Variants in CPT2 observed in about 807,000 individuals in gnomAD.
CPT2 encodes the protein carnitine O-palmitoyltransferase 2, mitochondrial.
Under a neutral mutation model 48.6 loss-of-function variants are expected in CPT2, and 37 were observed. That is an observed-to-expected ratio of 0.76 (90% confidence interval 0.59 to 1.00). The LOEUF (loss-of-function observed/expected upper bound fraction) is 1.00. CPT2 is among the 50% of genes least tolerant of loss of function. CPT2 has a pLI of 0.00. For synonymous variants in CPT2, 319 were observed against 326.9 expected (o/e 0.98, Z 0.26); for missense variants, 772 against 825.6 (o/e 0.94, Z 0.80).
At chr1:53,212,253 C>T (rs570386040) in intron 4 of CPT2, among the ~76,000 whole-genome samples, 27 of 151,994 alleles carry the variant, frequency 1.8e-4, no homozygotes, top group Admixed American at 2.6e-4. Flanking sequence ...TCAATAGAGA[C>T]GGGGTTTCAC....
rs1557719455 is a variant in CPT2, at chr1:53,213,283, CTT to C, written c.1666_1667del (p.Leu556ValfsTer16). ...AAMGQGFDRH[L>X]FALRHLAAAK... ...TCACAGGCCAGGGCTTTGACCGACA[CTT>C]GTTTGCTCTGCGGCATCTGGCAGCA... On this transcript the variant is annotated frameshift_variant, in exon 5 of 5. Coordinates refer to ENST00000371486, the MANE Select transcript of CPT2 (RefSeq NM_000098.3). LOFTEE classifies it high-confidence loss of function. 30 of 1,614,092 alleles carry C rather than the reference CTT, an allele frequency of 1.9e-5. No individual in the cohort carries two copies. The highest frequency in any genetic ancestry group is 2.5e-5 in the Non-Finnish European group (29 of 1,180,046).
In CPT2 at chr1:53,211,060, CCCTGACGCAGTTGCCCAGCTGG is replaced by C; in HGVS notation, c.1388_1409del (p.Pro463HisfsTer62). Reference sequence around the variant, plus strand: ...AATTCCTGAAGAAGCAAAAGCTGAGCCCTGACGCAGTTGCCCAGCTGGCATTCCAGATGGCCTTCCTGCGGCA... The same window carrying C: ...AATTCCTGAAGAAGCAAAAGCTGAGCCATTCCAGATGGCCTTCCTGCGGCA... On this transcript the variant is annotated frameshift_variant, in exon 4 of 5. Coordinates refer to ENST00000371486, the MANE Select transcript of CPT2 (RefSeq NM_000098.3). LOFTEE classifies it high-confidence loss of function. The C allele has an allele frequency of 1.2e-6, 2 of 1,614,220 alleles. No individual in the cohort carries two copies. Among genetic ancestry groups the C allele is most frequent in the Non-Finnish European group, 1.7e-6 (2 of 1,180,038 alleles).
At chr1:53,213,120 C>A in intron 4 of CPT2, 144 bp from the exon 5 acceptor site, 1 of 725,482 alleles carries the variant, frequency 1.4e-6, no homozygotes, top group South Asian at 1.5e-5. Flanking sequence ...GAAGGTTAGT[C>A]AGTTGGTGGT....
At position 53,210,367 on chromosome 1, in the gene CPT2, G is replaced by A. The variant is rs530706050; in HGVS notation, c.693G>A (p.Arg231=). Residue 231 remains arginine (R), a synonymous_variant, in exon 4 of 5, where the codon CGG becomes CGA. Coordinates refer to ENST00000371486, the MANE Select transcript of CPT2 (RefSeq NM_000098.3). ...CAACTCGTTTACCCAAACCCAGTCG[G>A]GATGAACTCTTCACTGATGACAAGG... ...FNSTRLPKPS[R]DELFTDDKAR... The A allele has an allele frequency of 5.6e-6, 9 of 1,614,072 alleles. No homozygotes were observed. Among genetic ancestry groups the A allele is most frequent in the South Asian group, 3.3e-5 (3 of 91,080 alleles).
rs571937020 is a variant in CPT2 at position 53,212,805 on chromosome 1, G to A, written c.1646-459G>A. ...GGGAGAAAACCAAGCCACTGGCCCC[G>A]TTACACAGCAAGTTAGTAGTAAGAC... On this transcript the variant is annotated intron_variant, in intron 4 of 4. Transcript: ENST00000371486. 1.5e-4 allele frequency: 64 copies of A among 420,092 alleles called. 1 individual carries two copies. The South Asian group carries it at 2.9e-3, about 19-fold the overall frequency. The allele number at this position is 420,092 out of a possible 1,614,324, so 26.0% of individuals were successfully genotyped here.
At position 53,200,790 on chromosome 1, in the gene CPT2, G is replaced by T; in HGVS notation, c.224G>T (p.Gly75Val). 6.2e-7 allele frequency: 1 copy of T among 1,613,158 alleles called. No homozygotes were observed. Among genetic ancestry groups the T allele is most frequent in the Non-Finnish European group, 8.5e-7 (1 of 1,179,136 alleles). The change falls in exon 2 of 5, where the codon GGC becomes GTC. Residue 75 changes from glycine to valine, a missense_variant. Physicochemically the swap from Gly to Val is moderately radical, Grantham distance 109. Coordinates refer to ENST00000371486, the MANE Select transcript of CPT2 (RefSeq NM_000098.3). ...LSAQKPLLND[G>V]QFRKTEQFCK... Reference sequence around the variant, plus strand: ...GCACAGAAGCCTCTCTTGAATGATGGCCAGTTCAGGTAAACACTGAGAACC... The same window carrying T: ...GCACAGAAGCCTCTCTTGAATGATGTCCAGTTCAGGTAAACACTGAGAACC...
intron 3 of CPT2, 70 bp downstream of exon 3, chr1:53,202,499 T>G: frequency 2.4e-6 from 3 of 1,265,938 alleles, no homozygotes; most frequent in Non-Finnish European, 3.5e-6. Context: ...GCATATTCTC[T>G]CCTGTTTTGG....
Position 53,210,571 on chromosome 1 carries a change from G to C in CPT2, c.897G>C (p.Trp299Cys), listed in dbSNP as rs1301349162. The C allele has an allele frequency of 1.2e-6, 2 of 1,614,068 alleles. No individual in the cohort carries two copies. The highest frequency in any genetic ancestry group is 3.3e-5 in the Admixed American group (2 of 60,010). The change falls in exon 4 of 5, where the codon TGG becomes TGC. Residue 299 changes from tryptophan (W) to cysteine (C), a missense_variant. Physicochemically the swap from Trp to Cys is radical, Grantham distance 215. Coordinates refer to ENST00000371486, the MANE Select transcript of CPT2 (RefSeq NM_000098.3). ...TGACCAGTGAGAACCGAGACATCTG[G>C]GCAGAGCTCAGGCAGAAGCTGATGA... ...AYLTSENRDI[W>C]AELRQKLMSS...
rs200596483 is a variant in CPT2, at chr1:53,211,326, C to G, written c.1645+7C>G. The G allele has an allele frequency of 1.3e-6, 2 of 1,593,330 alleles. No homozygotes were observed. Among genetic ancestry groups the G allele is most frequent in the African/African-American group, 2.7e-5 (2 of 74,380 alleles). On this transcript the variant is annotated splice_region_variant and intron_variant, in intron 4 of 4. Coordinates refer to ENST00000371486, the MANE Select transcript of CPT2 (RefSeq NM_000098.3). ...ACCAAAGAAGCAGCAATGGGTGAGG[C>G]AGGGGTGGGGAGCATGCCCTTGGGT...
intron 3 of CPT2, chr1:53,208,503 C>T (rs188774106): frequency 1.3e-5 from 2 of 152,334 alleles, no homozygotes; most frequent in East Asian, 3.9e-4. Flanking sequence ...TCTATAGGAA[C>T]TCAGAGGGCT....
chr1:53,211,450 TTTTC>T (rs1645427729), intron 4 of CPT2, 131 bp downstream of exon 4: 5 of 963,032 alleles, frequency 5.2e-6, no homozygotes, highest in Non-Finnish European at 6.2e-6. Flanking sequence ...CTCCCCAAAT[TTTTC>T]TTTTCTACCC....
chr1:53,197,852 C>G (rs1557712489), intron 1 of CPT2, among the ~76,000 whole-genome samples: 2 of 152,080 alleles, frequency 1.3e-5, no homozygotes, highest in African/African-American at 4.8e-5. Flanking sequence ...TAGACACCAC[C>G]CTCAGTACCC....
At chr1:53,205,780 G>A (rs1247334079) in intron 3 of CPT2, among the ~76,000 whole-genome samples, 1 of 152,220 alleles carries the variant, frequency 6.6e-6, no homozygotes, top group Non-Finnish European at 1.5e-5. Context: ...GCTAAAAGGG[G>A]CCAAGGCACA....
At chr1:53,211,432 A>G in intron 4 of CPT2, 113 bp downstream of exon 4, 1 of 1,134,832 alleles carries the variant, frequency 8.8e-7, no homozygotes, top group Non-Finnish European at 1.3e-6. Flanking sequence ...GGTTTAATCC[A>G]TCGCCAACTC....
intron 3 of CPT2, chr1:53,207,433 C>T (rs1013512218): frequency 1.3e-5 from 2 of 152,156 alleles, no homozygotes; most frequent in South Asian, 4.1e-4. Context: ...TTTGAGATCT[C>T]AACTGTGATT....
intron 3 of CPT2, chr1:53,208,777 A>G (rs1645402883): frequency 6.6e-6 from 1 of 152,242 alleles, no homozygotes; most frequent in African/African-American, 2.4e-5. Context: ...GAAAGGAAAC[A>G]GAAGAGGAAG....
chr1:53,197,053 G>A lies in CPT2; in HGVS notation c.110G>A (p.Arg37His). ...TCCGGGCCCGGCCAGTACCTGCAGC[G>A]CAGCATCGTGCCCACCATGCACTAC... Reference protein sequence around the residue: ...AGSGPGQYLQRSIVPTMHYQD... With the variant: ...AGSGPGQYLQHSIVPTMHYQD... Residue 37 changes from arginine to histidine, a missense_variant, in exon 1 of 5, where the codon CGC (arginine) becomes CAC (histidine). Arg to His is a conservative substitution (Grantham distance 29). Transcript: ENST00000371486. The A allele has an allele frequency of 1.3e-6, 2 of 1,538,978 alleles. No individual in the cohort carries two copies. The highest frequency in any genetic ancestry group is 1.2e-5 in the South Asian group (1 of 84,030).
At chr1:53,205,352 G>A (rs1161141985) in intron 3 of CPT2, among the ~76,000 whole-genome samples, 1 of 152,146 alleles carries the variant, frequency 6.6e-6, no homozygotes, top group Non-Finnish European at 1.5e-5. Flanking sequence ...GATTTAGGGT[G>A]TCTGACAGAA....
chr1:53,196,957 T>C lies in CPT2; in HGVS notation c.14T>C (p.Leu5Pro). The change falls in exon 1 of 5, where the codon CTG becomes CCG. Residue 5 changes from leucine to proline, a missense_variant. Leu to Pro is a moderately conservative substitution (Grantham distance 98). Transcript: ENST00000371486. Reference sequence around the variant, plus strand: ...GCTCCCGGGACGATGGTGCCCCGCCTGCTGCTGCGCGCCTGGCCCCGGGGC... The same window carrying C: ...GCTCCCGGGACGATGGTGCCCCGCCCGCTGCTGCGCGCCTGGCCCCGGGGC... MVPR[L>P]LLRAWPRGPA... The C allele has an allele frequency of 6.5e-7, 1 of 1,540,422 alleles. No individual in the cohort carries two copies.
Sources: gnomAD v4.1 joint callset for allele counts (sites outside exome capture counted in the v4.1 genomes callset) on GRCh38, gnomAD v4.1.1 for gene constraint, MANE v1.5 for transcripts, NCBI Gene and HGNC (gene_info 2026-07-23, HGNC 2026-07-21) for gene names.